PCDHGA3: variants seen among roughly 807,000 people sequenced by gnomAD.
PCDHGA3 encodes the protein protocadherin gamma-A3.
In PCDHGA3, 40 loss-of-function variants were observed where a neutral mutation model predicts 58.5. The ratio of observed to expected loss-of-function variants is 0.68; its 90% CI spans 0.53 to 0.89. The LOEUF is 0.89. PCDHGA3 is among the 40% of genes least tolerant of loss of function. The pLI is 0.00. For synonymous variants in PCDHGA3, 530 were observed against 525.7 expected (o/e 1.01, Z -0.11); for missense variants, 1,223 against 1,195.9 (o/e 1.02, Z -0.33).
intron 1 of PCDHGA3, among the ~76,000 whole-genome samples, chr5:141,381,246 A>G (rs2150176708): frequency 6.6e-6 from 1 of 152,374 alleles, no homozygotes; most frequent in Non-Finnish European, 1.5e-5. Context: ...TCCAGGACCT[A>G]GAAGAATTTA....
At chr5:141,505,275 AGGTCTTGGGCATGGGGTAG>A (rs1251192617) in intron 2 of PCDHGA3, 99 bp from the exon 3 acceptor site, 87 of 1,525,470 alleles carry the variant, frequency 5.7e-5, no homozygotes, top group Non-Finnish European at 2.0e-5. Context: ...TGAGAGAAAC[AGGTCTTGGGCATGGGGTAG>A]GGTTAGGGTA....
intron 1 of PCDHGA3, among the ~76,000 whole-genome samples, chr5:141,468,962 C>T (rs2099187487): frequency 6.7e-6 from 1 of 148,782 alleles, no homozygotes; most frequent in Non-Finnish European, 1.5e-5. Context: ...GTTTTTTTTA[C>T]CTTAGGCTTT....
At chr5:141,422,044 G>C in intron 1 of PCDHGA3, 1 of 1,611,530 alleles carries the variant, frequency 6.2e-7, no homozygotes, top group Admixed American at 1.7e-5. Flanking sequence ...TCCAGACGAG[G>C]GAATCAACGG....
rs750804901 is a variant in PCDHGA3, at chr5:141,476,422, C to T, written c.2425-18385C>T. ...GAGAGGAGCTGTGTGGGACACTGCC[C>T]TCTTGCACTGTAACTCTGGAGTTGG... On this transcript the variant is annotated intron_variant, in intron 1 of 3. Transcript: ENST00000253812. The surrounding 1 kb of genome is among the most constrained non-coding windows in gnomAD (Gnocchi z 7.6). The T allele has an allele frequency of 1.7e-5, 28 of 1,614,026 alleles. No homozygotes were observed. Among genetic ancestry groups the T allele is most frequent in the East Asian group, 2.2e-5 (1 of 44,860 alleles).
chr5:141,400,645 G>T, intron 1 of PCDHGA3: 1 of 1,239,756 alleles, frequency 8.1e-7, no homozygotes, highest in Non-Finnish European at 1.2e-6. Context: ...TGCTCAGAAA[G>T]CTGTCCTACC....
intron 1 of PCDHGA3, chr5:141,426,170 T>G (rs2096918811): frequency 6.4e-6 from 1 of 155,200 alleles, no homozygotes. Flanking sequence ...CCATACGGAT[T>G]GGGGTGCCCT....
At chr5:141,365,060 C>G (rs750087491) in intron 1 of PCDHGA3, 1 of 1,613,874 alleles carries the variant, frequency 6.2e-7, no homozygotes, top group Admixed American at 1.7e-5. Context: ...CCTGTTCACC[C>G]CATCCGAGTA....
intron 1 of PCDHGA3, chr5:141,350,707 C>G: frequency 1.2e-6 from 2 of 1,613,992 alleles, no homozygotes; most frequent in East Asian, 2.2e-5. Context: ...GGGTAAAATT[C>G]TCTCTGGATT....
At chr5:141,470,628 G>T (rs1475199767) in intron 1 of PCDHGA3, among the ~76,000 whole-genome samples, 12 of 152,146 alleles carry the variant, frequency 7.9e-5, no homozygotes, top group Admixed American at 7.9e-4. Flanking sequence ...GCTTAGATAG[G>T]CCCCCTTGCT....
At chr5:141,441,855 G>A in intron 1 of PCDHGA3, 3 of 351,872 alleles carry the variant, frequency 8.5e-6, no homozygotes, top group Admixed American at 4.0e-5. Flanking sequence ...ATATGGTGCT[G>A]CACGCCGCGG....
chr5:141,415,947 C>T (rs1161530180), intron 1 of PCDHGA3: 1 of 532,382 alleles, frequency 1.9e-6, no homozygotes, highest in Admixed American at 4.2e-5. Flanking sequence ...CCTGGGTGGT[C>T]ACATATTGAA....
At chr5:141,395,472 A>T in intron 1 of PCDHGA3, 1 of 548,076 alleles carries the variant, frequency 1.8e-6, no homozygotes, top group South Asian at 2.6e-5. Flanking sequence ...GCCTTCCAGT[A>T]TTTTATTCCT....
chr5:141,476,926 T>G lies in PCDHGA3; in HGVS notation c.2425-17881T>G, dbSNP rs779017502. ...GCGTGGTACAAGTCCTTGCAACGGA[T>G]CTGGATGAAGGCCCCAACGGTGAAA... is the stretch of plus-strand genomic sequence containing the variant. On this transcript the variant is annotated intron_variant, in intron 1 of 3. Coordinates refer to ENST00000253812, the MANE Select transcript of PCDHGA3 (RefSeq NM_018916.4). The surrounding 1 kb of genome is among the most constrained non-coding windows in gnomAD (Gnocchi z 7.6). 1 of 1,614,072 alleles carries G rather than the reference T, an allele frequency of 6.2e-7. No homozygotes were observed. The highest frequency in any genetic ancestry group is 1.1e-5 in the South Asian group (1 of 91,092).
intron 1 of PCDHGA3, chr5:141,479,325 A>C (rs2099492835): frequency 6.6e-6 from 1 of 152,648 alleles, no homozygotes; most frequent in South Asian, 2.1e-4. Context: ...AGCCAGACTC[A>C]GTGGTGTGCA....
chr5:141,381,991 G>A (rs1019937357), intron 1 of PCDHGA3, among the ~76,000 whole-genome samples: 3 of 151,726 alleles, frequency 2.0e-5, no homozygotes, highest in East Asian at 3.9e-4. Context: ...CACCACGCCC[G>A]GATAATTTTG....
Position 141,476,852 on chromosome 5 carries a change from C to T in PCDHGA3, c.2425-17955C>T. 6.2e-7 allele frequency: 1 copy of T among 1,613,828 alleles called. No homozygotes were observed. Among genetic ancestry groups the T allele is most frequent in the Non-Finnish European group, 8.5e-7 (1 of 1,180,044 alleles). ...GAATGACAATGCGCCTGTCTTCAAC[C>T]AGTCCTTGTACCGGGCGCGCGTCCT... On this transcript the variant is annotated intron_variant, in intron 1 of 3. Coordinates refer to ENST00000253812, the MANE Select transcript of PCDHGA3 (RefSeq NM_018916.4). This position sits in a 1 kb window ranked among gnomAD's most constrained non-coding sequence, Gnocchi z 7.6.
At chr5:141,412,729 T>C (rs1411212101) in intron 1 of PCDHGA3, 1 of 153,332 alleles carries the variant, frequency 6.5e-6, no homozygotes, top group Non-Finnish European at 1.5e-5. Flanking sequence ...GAAAACGTGT[T>C]GCAAATATAT....
At chr5:141,415,437 G>A in intron 1 of PCDHGA3, 1 of 1,614,200 alleles carries the variant, frequency 6.2e-7, no homozygotes, top group Non-Finnish European at 8.5e-7. Flanking sequence ...GGGCTTTCCT[G>A]CAGACCTATT....
At chr5:141,472,219 A>C (rs2099274667) in intron 1 of PCDHGA3, among the ~76,000 whole-genome samples, 1 of 152,210 alleles carries the variant, frequency 6.6e-6, no homozygotes, top group Non-Finnish European at 1.5e-5. Context: ...CTTACTCTCG[A>C]TCATATAATA....
Sources: gnomAD v4.1 joint callset for allele counts (sites outside exome capture counted in the v4.1 genomes callset) on GRCh38, gnomAD v4.1.1 for gene constraint, Gnocchi (gnomAD v3.1) non-coding constraint, MANE v1.5 for transcripts, NCBI Gene and HGNC (gene_info 2026-07-23, HGNC 2026-07-21) for gene names.